The following GULP1 variants were observed in gnomAD, a reference collection of about 807,000 sequenced individuals.
The protein encoded by GULP1 is PTB domain-containing engulfment adapter protein 1.
Under a neutral mutation model 40.9 loss-of-function variants are expected in GULP1, and 19 were observed. That is an observed-to-expected ratio of 0.46 (90% CI 0.32 to 0.68). GULP1 has a LOEUF of 0.68. Ranked by LOEUF, GULP1 falls within the 30% of genes least tolerant of loss-of-function variation. The pLI is 0.03. For missense variants in GULP1, 312 were observed against 362.2 expected (o/e 0.86, Z 1.12); for synonymous variants, 119 against 117.6 (o/e 1.01, Z -0.08).
intron 7 of GULP1, among the ~76,000 whole-genome samples, chr2:188,561,719 C>T (rs965993676): frequency 7.2e-5 from 11 of 152,154 alleles, no homozygotes; most frequent in Non-Finnish European, 1.2e-4. Flanking sequence ...CACGCTGAGG[C>T]CCCAGCATTG....
chr2:188,454,515 C>T (rs748574223), intron 2 of GULP1, among the ~76,000 whole-genome samples: 1 of 152,144 alleles, frequency 6.6e-6, no homozygotes, highest in Non-Finnish European at 1.5e-5. Context: ...CAATCTGGTC[C>T]AAGGATTTAC....
intron 1 of GULP1, among the ~76,000 whole-genome samples, chr2:188,367,052 C>T (rs1250306043): frequency 1.3e-5 from 2 of 151,974 alleles, no homozygotes; most frequent in East Asian, 1.9e-4. Context: ...ATGTTTTTAC[C>T]TTTATATGTA....
intron 2 of GULP1, among the ~76,000 whole-genome samples, chr2:188,438,840 G>A (rs1444091720): frequency 6.6e-6 from 1 of 151,816 alleles, no homozygotes; most frequent in Non-Finnish European, 1.5e-5. Flanking sequence ...TAATATTATT[G>A]ATTTGTATGT....
chr2:188,294,424 C>T (rs1490563079), intron 1 of GULP1: 2 of 152,142 alleles, frequency 1.3e-5, no homozygotes, highest in Non-Finnish European at 1.5e-5. Flanking sequence ...CACACATTTG[C>T]CCTTTACTGC....
chr2:188,385,750 A>G (rs1388330740), intron 2 of GULP1, among the ~76,000 whole-genome samples: 1 of 152,134 alleles, frequency 6.6e-6, no homozygotes, highest in Non-Finnish European at 1.5e-5. Context: ...AAGTTCCACA[A>G]ATCTCTAGGG....
intron 2 of GULP1, among the ~76,000 whole-genome samples, chr2:188,460,000 A>G (rs4423571): frequency 0.049 from 7,401 of 152,130 alleles, 405 homozygotes; most frequent in African/African-American, 0.14. Flanking sequence ...TCATTGGTCT[A>G]TGTGTCTGTT....
chr2:188,433,933 C>T (rs200042565), intron 2 of GULP1, among the ~76,000 whole-genome samples: 1 of 149,148 alleles, frequency 6.7e-6, no homozygotes, highest in Non-Finnish European at 1.5e-5. Flanking sequence ...TACCTTATAC[C>T]TTTTTTTTTT....
At chr2:188,522,852 T>C in intron 5 of GULP1, 25 bp downstream of exon 5, 1 of 1,379,864 alleles carries the variant, frequency 7.2e-7, no homozygotes, top group Non-Finnish European at 1.0e-6. Flanking sequence ...TCAAATAAAT[T>C]ACAAGTGTAT....
At chr2:188,519,450 C>A (rs2065507279) in intron 4 of GULP1, among the ~76,000 whole-genome samples, 1 of 152,158 alleles carries the variant, frequency 6.6e-6, no homozygotes, top group Non-Finnish European at 1.5e-5. Flanking sequence ...ATAGACCAGA[C>A]CCTTCCTTCT....
At chr2:188,326,639 A>C (rs142060419) in intron 1 of GULP1, among the ~76,000 whole-genome samples, 258 of 152,266 alleles carry the variant, frequency 1.7e-3, no homozygotes, top group Middle Eastern at 6.8e-3. Flanking sequence ...TACCTTTTGA[A>C]TTTAAATTCA....
intron 4 of GULP1, among the ~76,000 whole-genome samples, chr2:188,501,440 C>T (rs937970820): frequency 2.0e-5 from 3 of 151,922 alleles, no homozygotes; most frequent in Admixed American, 6.6e-5. Flanking sequence ...ATAAATTACT[C>T]AGTCTCAGAT....
At chr2:188,331,709 A>T (rs202171897) in intron 1 of GULP1, among the ~76,000 whole-genome samples, 2 of 152,178 alleles carry the variant, frequency 1.3e-5, no homozygotes, top group East Asian at 3.9e-4. Flanking sequence ...AAATCCATTT[A>T]GGAGGATATC....
intron 4 of GULP1, among the ~76,000 whole-genome samples, chr2:188,486,159 C>T (rs761369046): frequency 6.6e-6 from 1 of 151,814 alleles, no homozygotes. Context: ...GAAGATAAAT[C>T]GGTAGTGATA....
intron 1 of GULP1, among the ~76,000 whole-genome samples, chr2:188,334,875 T>C (rs1021878426): frequency 2.0e-5 from 3 of 152,210 alleles, no homozygotes; most frequent in Non-Finnish European, 4.4e-5. Flanking sequence ...AAAAGGAATC[T>C]GCTACAAGTT....
At chr2:188,439,477 T>C (rs764479502) in intron 2 of GULP1, among the ~76,000 whole-genome samples, 1 of 152,166 alleles carries the variant, frequency 6.6e-6, no homozygotes, top group Non-Finnish European at 1.5e-5. Flanking sequence ...TATTGTTTGG[T>C]TAAATAAATT....
chr2:188,556,773 C>A (rs1426934876), intron 7 of GULP1, among the ~76,000 whole-genome samples: 2 of 152,138 alleles, frequency 1.3e-5, no homozygotes, highest in South Asian at 2.1e-4. Flanking sequence ...CGGTGGCTCA[C>A]GCCTGTAATC....
chr2:188,561,506 G>A (rs2153411968), intron 7 of GULP1, among the ~76,000 whole-genome samples: 1 of 152,276 alleles, frequency 6.6e-6, no homozygotes, highest in East Asian at 1.9e-4. Flanking sequence ...CCAACCTCAT[G>A]CCTCTGGGAG....
intron 2 of GULP1, among the ~76,000 whole-genome samples, chr2:188,440,008 A>C (rs1575260250): frequency 6.6e-6 from 1 of 152,224 alleles, no homozygotes; most frequent in Admixed American, 6.5e-5. Context: ...ATAATTCAAA[A>C]GTGAGGAAAT....
At chr2:188,293,984 G>A (rs775052134) in intron 1 of GULP1, 8 of 152,228 alleles carry the variant, frequency 5.3e-5, no homozygotes, top group Non-Finnish European at 1.2e-4. Context: ...ACTAAGCATA[G>A]AGTGCAGTTG....
Sources: allele counts gnomAD v4.1 joint callset (sites outside exome capture counted in the v4.1 genomes callset), GRCh38; gene constraint gnomAD v4.1.1; transcripts MANE v1.5; gene names NCBI Gene and HGNC (gene_info 2026-07-23, HGNC 2026-07-21).